Variants in TRPM8 observed in about 807,000 individuals in gnomAD.
TRPM8 encodes TRPM8 cationic channel.
A neutral mutation model predicts 133.7 loss-of-function variants in TRPM8; 110 were observed. The ratio of observed to expected loss-of-function variants is 0.82; its 90% CI spans 0.70 to 0.96. The LOEUF is 0.96. Among genes scored for constraint, TRPM8 ranks in the 40% least tolerant of loss-of-function variants. The probability of loss-of-function intolerance (pLI) is 0.00; values close to 1 mark genes in which losing one functional copy is unlikely to be tolerated. For missense variants in TRPM8, 1,291 were observed against 1,379.5 expected, an observed-to-expected ratio of 0.94 and a Z score of 1.02; for synonymous variants, 535 against 532.3, an observed-to-expected ratio of 1.01 and a Z score of -0.07.
intron 2 of TRPM8, among the ~76,000 whole-genome samples, chr2:233,930,069 C>T (rs192711263): frequency 6.6e-6 from 1 of 152,290 alleles, no homozygotes; most frequent in East Asian, 1.9e-4. Flanking sequence ...TATGATGTTT[C>T]ATACATGATG....
chr2:233,939,391 G>A (rs182910821), intron 5 of TRPM8, among the ~76,000 whole-genome samples: 4 of 152,322 alleles, frequency 2.6e-5, no homozygotes, highest in Admixed American at 6.5e-5. Context: ...CTAAATCAGC[G>A]TTAAGGTGCT....
chr2:233,973,801 C>T (rs888872968), intron 17 of TRPM8, among the ~76,000 whole-genome samples: 4 of 152,180 alleles, frequency 2.6e-5, no homozygotes, highest in Non-Finnish European at 4.4e-5. Flanking sequence ...CAGAGAAAGA[C>T]TGAAGGAGAT....
At chr2:233,978,196 A>G (rs937336300) in intron 17 of TRPM8, among the ~76,000 whole-genome samples, 4 of 78,858 alleles carry the variant, frequency 5.1e-5, no homozygotes, top group Non-Finnish European at 7.6e-5. Flanking sequence ...ATGGAATATT[A>G]TAGTGTGTGT....
chr2:233,997,824 G>A lies in TRPM8; in HGVS notation c.3130+1308G>A, dbSNP rs1014524219. Among the ~76,000 whole-genome samples the A allele has an allele frequency of 4.6e-5, 7 of 152,118 alleles. 1 individual carries two copies. Among genetic ancestry groups the A allele is most frequent in the African/African-American group, 1.7e-4 (7 of 41,404 alleles). ...CCTAGCCCTTACAAACTGGGGTGCAGGCTGCTCCCCACCCAGCCACCACTC... is the reference window on the plus strand; with the variant it reads ...CCTAGCCCTTACAAACTGGGGTGCAAGCTGCTCCCCACCCAGCCACCACTC... On this transcript the variant is annotated intron_variant, in intron 22 of 25. Coordinates refer to ENST00000324695, the MANE Select transcript of TRPM8 (RefSeq NM_024080.5).
At position 233,946,048 on chromosome 2, in the gene TRPM8, A is replaced by C. The variant is rs1217147002; in HGVS notation, c.874+18A>C. 1 of 1,612,172 alleles carries C rather than the reference A, an allele frequency of 6.2e-7. No individual in the cohort carries two copies. Among genetic ancestry groups the C allele is most frequent in the Admixed American group, 1.7e-5 (1 of 59,976 alleles). On this transcript the variant is annotated intron_variant, in intron 7 of 25. Transcript: ENST00000324695. ...TATTCAAGGTCAGTGGTTAGGAGGT[A>C]GGACACTAGAAGTGTACAATAACCA...
At chr2:233,930,882 A>G in intron 3 of TRPM8, 141 bp downstream of exon 3, 1 of 598,134 alleles carries the variant, frequency 1.7e-6, no homozygotes, top group Non-Finnish European at 2.9e-6. Flanking sequence ...TTGCGCAGGA[A>G]GGATCTGGCA....
rs1574690620 is a variant in TRPM8 at position 233,927,857 on chromosome 2, T to TC, written c.117+1203_117+1204insC. Among the ~76,000 whole-genome samples the TC allele has an allele frequency of 6.3e-5, 5 of 79,522 alleles. No individual in the cohort carries two copies. The East Asian group carries it at 2.5e-3, about 39-fold the overall frequency. The allele number at this position is 79,522 out of a possible 152,430, so 52.2% of individuals were successfully genotyped here. ...CTTCCTTCCTTCCTTCCTTCCTTTC[T>TC]TTCTCTTTCTTTCTTTCTTTCTTTC... On this transcript the variant is annotated intron_variant, in intron 2 of 25. Transcript: ENST00000324695.
At chr2:233,949,017 G>A (rs1691110858) in intron 8 of TRPM8, among the ~76,000 whole-genome samples, 1 of 152,182 alleles carries the variant, frequency 6.6e-6, no homozygotes, top group Admixed American at 6.5e-5. Flanking sequence ...CTGGGAGACA[G>A]AGCAAGACTT....
chr2:234,006,171 G>T (rs557234245), intron 22 of TRPM8, among the ~76,000 whole-genome samples: 1 of 152,218 alleles, frequency 6.6e-6, no homozygotes, highest in South Asian at 2.1e-4. Flanking sequence ...TCTTGTCCCC[G>T]TGAATTTGTG....
chr2:234,013,159 C>T (rs1355745781), intron 24 of TRPM8: 3 of 152,084 alleles, frequency 2.0e-5, no homozygotes, highest in African/African-American at 7.2e-5. Context: ...GTACTTGTTC[C>T]CTTTTCTATT....
intron 17 of TRPM8, among the ~76,000 whole-genome samples, chr2:233,978,411 A>AT (rs893398959): frequency 3.4e-4 from 52 of 151,902 alleles, no homozygotes; most frequent in African/African-American, 1.2e-3. Flanking sequence ...CTGAGATGTC[A>AT]TTTTTTTCAC....
At position 233,926,541 on chromosome 2, in the gene TRPM8, T is replaced by A. The variant is rs772125557; in HGVS notation, c.4T>A (p.Ser2Thr). Reference protein sequence around the residue: MSFRAARLSMRN... With the variant: MTFRAARLSMRN... ...TCCAACCATCGTCACAGAAAAGATG[T>A]CCTTTCGGGCAGCCAGGCTCAGCAT... The change falls in exon 2 of 26, where the codon TCC (serine) becomes ACC (threonine). Residue 2 changes from serine to threonine, a missense_variant. Around this residue, in one of 2 missense-constraint regions of TRPM8, gnomAD observed 963 missense variants for 968.9 expected, o/e 0.99. Transcript: ENST00000324695. 1 of 1,613,702 alleles carries A rather than the reference T, an allele frequency of 6.2e-7. No homozygotes were observed. The highest frequency in any genetic ancestry group is 1.7e-5 in the Admixed American group (1 of 60,010).
chr2:233,946,112 T>A, intron 7 of TRPM8, 82 bp downstream of exon 7: 1 of 1,336,634 alleles, frequency 7.5e-7, no homozygotes, highest in Non-Finnish European at 1.1e-6. Flanking sequence ...TACCAACTAT[T>A]GAGTGATGCG....
rs1341473614 is a variant in TRPM8 at position 233,949,959 on chromosome 2, C to T, written c.953C>T (p.Thr318Ile). Residue 318 changes from threonine to isoleucine, a missense_variant, in exon 9 of 26, where the codon ACC (threonine) becomes ATC (isoleucine). Transcript: ENST00000324695. ...GGKETLKAIN[T>I]SIKNKIPCVV... Reference sequence around the variant, plus strand: ...GTCTCCTTCCTCCAGGCCATCAATACCTCCATCAAAAATAAAATTCCTTGT... The same window carrying T: ...GTCTCCTTCCTCCAGGCCATCAATATCTCCATCAAAAATAAAATTCCTTGT... 2 of 1,614,128 alleles carry T rather than the reference C, an allele frequency of 1.2e-6. No individual in the cohort carries two copies. Among genetic ancestry groups the T allele is most frequent in the East Asian group, 2.2e-5 (1 of 44,882 alleles).
chr2:233,942,493 C>A, intron 5 of TRPM8, 83 bp from the exon 6 acceptor site: 4 of 1,371,486 alleles, frequency 2.9e-6, no homozygotes, highest in Non-Finnish European at 4.2e-6. Context: ...AGGGATGGGG[C>A]CTTTATTTTA....
chr2:233,929,022 A>G (rs528620194), intron 2 of TRPM8, among the ~76,000 whole-genome samples: 1 of 148,812 alleles, frequency 6.7e-6, no homozygotes, highest in South Asian at 2.1e-4. Context: ...TTTTTGCTCA[A>G]AACTGTTTTT....
intron 21 of TRPM8, among the ~76,000 whole-genome samples, chr2:233,986,222 T>C (rs1037296487): frequency 1.3e-5 from 2 of 152,224 alleles, no homozygotes; most frequent in Non-Finnish European, 2.9e-5. Flanking sequence ...GCCTTATATG[T>C]TATGGGGCTC....
At chr2:233,984,956 C>T (rs11691335) in intron 20 of TRPM8, among the ~76,000 whole-genome samples, 23,538 of 151,930 alleles carry the variant, frequency 0.15, 2,028 homozygotes, top group East Asian at 0.42. Flanking sequence ...TGGTGGCATG[C>T]GCCTATAGTC....
chr2:233,962,608 A>G (rs1198649468), intron 12 of TRPM8, among the ~76,000 whole-genome samples: 1 of 152,216 alleles, frequency 6.6e-6, no homozygotes, highest in Admixed American at 6.5e-5. Context: ...ATCTAAATGC[A>G]TTAGGTATTT....
Sources: gnomAD v4.1 joint callset for allele counts (sites outside exome capture counted in the v4.1 genomes callset) on GRCh38, gnomAD v4.1.1 for gene constraint, gnomAD v4.1.1 regional missense constraint, MANE v1.5 for transcripts, NCBI Gene and HGNC (gene_info 2026-07-23, HGNC 2026-07-21) for gene names.